The following ZBTB20 variants were observed in gnomAD, a reference collection of about 807,000 sequenced individuals.
ZBTB20 encodes zinc finger and BTB domain-containing protein 20.
In ZBTB20, 9 loss-of-function variants were observed where a neutral mutation model predicts 56.9. The observed-to-expected ratio is 0.16, with a 90% CI of 0.10 to 0.28. ZBTB20 has a LOEUF of 0.28. Among genes scored for constraint, ZBTB20 ranks in the 10% least tolerant of loss-of-function variants. ZBTB20 has a pLI of 1.00. For missense variants in ZBTB20, 655 were observed against 1,003.0 expected (o/e 0.65, Z 4.69); for synonymous variants, 417 against 420.7 (o/e 0.99, Z 0.11).
chr3:114,441,315 G>C (rs1261425996), intron 7 of ZBTB20, among the ~76,000 whole-genome samples: 1 of 152,150 alleles, frequency 6.6e-6, no homozygotes, highest in Non-Finnish European at 1.5e-5. Context: ...TGACAAATTA[G>C]TTATTCATGC....
At chr3:114,765,170 T>C (rs2068702935) in intron 5 of ZBTB20, among the ~76,000 whole-genome samples, 1 of 152,174 alleles carries the variant, frequency 6.6e-6, no homozygotes, top group South Asian at 2.1e-4. Flanking sequence ...ATCATTGTGG[T>C]AAAGCTCTGC....
chr3:115,132,795 T>A (rs1209072532), intron 1 of ZBTB20, among the ~76,000 whole-genome samples: 1 of 152,004 alleles, frequency 6.6e-6, no homozygotes, highest in Non-Finnish European at 1.5e-5. Flanking sequence ...ACCCCCAAAA[T>A]TTAGAATACC....
At chr3:114,993,779 T>C (rs565305532) in intron 2 of ZBTB20, among the ~76,000 whole-genome samples, 1 of 152,006 alleles carries the variant, frequency 6.6e-6, no homozygotes, top group East Asian at 1.9e-4. Context: ...GGAAAATTTA[T>C]GGCTTTAAAT....
chr3:114,849,162 C>CT lies in ZBTB20; in HGVS notation c.-416-47989dup, dbSNP rs892746636. 6.6e-5 allele frequency among the ~76,000 whole-genome samples: 10 copies of CT among 151,954 alleles called. No individual in the cohort carries two copies. The East Asian group carries it at 9.6e-4, about 15-fold the overall frequency. On this transcript the variant is annotated intron_variant, in intron 4 of 11. Transcript: ENST00000675478. ...AAAGCACTGTTTTCTTTTCTTTTTT[C>CT]TTTTTTTTAACAAACCAAGGTCAGA...
intron 2 of ZBTB20, among the ~76,000 whole-genome samples, chr3:115,002,616 T>C (rs1045293668): frequency 2.6e-5 from 4 of 151,444 alleles, no homozygotes; most frequent in Admixed American, 6.6e-5. Flanking sequence ...CATTAGAGAA[T>C]TGCAAATTAA....
At chr3:115,010,737 C>A (rs2079666579) in intron 2 of ZBTB20, among the ~76,000 whole-genome samples, 1 of 151,830 alleles carries the variant, frequency 6.6e-6, no homozygotes, top group South Asian at 2.1e-4. Flanking sequence ...AATGCCTGGA[C>A]AAACATCTAT....
intron 1 of ZBTB20, chr3:115,100,139 G>C (rs538436337): frequency 6.6e-6 from 1 of 151,120 alleles, no homozygotes; most frequent in Admixed American, 6.6e-5. Context: ...TGAGGAAGCA[G>C]GATTTTTTTT....
intron 2 of ZBTB20, among the ~76,000 whole-genome samples, chr3:114,991,419 T>C (rs1045122272): frequency 2.0e-5 from 3 of 152,152 alleles, no homozygotes; most frequent in African/African-American, 7.2e-5. Flanking sequence ...TGGTTTTGAG[T>C]GAGTTTCTTA....
chr3:115,138,331 T>C (rs750876179), intron 1 of ZBTB20, among the ~76,000 whole-genome samples: 2 of 152,096 alleles, frequency 1.3e-5, no homozygotes, highest in East Asian at 3.8e-4. Flanking sequence ...CTATTCATTG[T>C]ACAACCTTTA....
chr3:115,029,627 A>C (rs1205241697), intron 2 of ZBTB20, among the ~76,000 whole-genome samples: 2 of 150,874 alleles, frequency 1.3e-5, no homozygotes, highest in African/African-American at 4.8e-5. Flanking sequence ...ATGCATTTTA[A>C]ATCAGTGGGA....
chr3:114,528,460 G>A (rs2047477586), intron 6 of ZBTB20, among the ~76,000 whole-genome samples: 1 of 152,086 alleles, frequency 6.6e-6, no homozygotes, highest in Non-Finnish European at 1.5e-5. Context: ...TTTTCCTAAA[G>A]AAGAAATATG....
intron 1 of ZBTB20, among the ~76,000 whole-genome samples, chr3:115,125,304 C>G (rs1335350233): frequency 1.3e-5 from 2 of 151,234 alleles, no homozygotes; most frequent in Non-Finnish European, 2.9e-5. Context: ...GATTGTGTCA[C>G]TGCACTGCAG....
intron 6 of ZBTB20, among the ~76,000 whole-genome samples, chr3:114,550,594 G>A (rs940594901): frequency 5.9e-5 from 9 of 151,946 alleles, no homozygotes; most frequent in African/African-American, 1.5e-4. Context: ...GCTTTTTGGG[G>A]GGTTGTCTTT....
chr3:114,328,059 C>T lies in ZBTB20; in HGVS notation c.*10946G>A, dbSNP rs1419217079. On this transcript the variant is annotated 3_prime_UTR_variant, in exon 12 of 12. Coordinates refer to ENST00000675478, the MANE Select transcript of ZBTB20 (RefSeq NM_001348800.3). ...GGGCGTATTTAGGTGCTGGGGAGTG[C>T]ACTGCATGGCTCTTTAGGTATCCAT... 1 of 152,052 alleles carries T rather than the reference C, an allele frequency of 6.6e-6. No homozygotes were observed. The highest frequency in any genetic ancestry group is 1.5e-5 in the Non-Finnish European group (1 of 68,002). The allele number at this position is 152,052 out of a possible 1,614,324, so 9.4% of individuals were successfully genotyped here. A position where few individuals can be genotyped will look rare whatever the true frequency, so the allele number is the denominator to read the frequency against.
chr3:114,976,987 A>G (rs2078128167), intron 2 of ZBTB20, among the ~76,000 whole-genome samples: 1 of 152,154 alleles, frequency 6.6e-6, no homozygotes, highest in Non-Finnish European at 1.5e-5. Flanking sequence ...AATCAATTTC[A>G]CATAATATTT....
At chr3:114,882,825 C>T (rs888542234) in intron 4 of ZBTB20, among the ~76,000 whole-genome samples, 2 of 152,090 alleles carry the variant, frequency 1.3e-5, no homozygotes, top group Admixed American at 6.5e-5. Context: ...TAAAGACATA[C>T]TTTTCACTTT....
chr3:115,139,471 T>C (rs866325670), intron 1 of ZBTB20, among the ~76,000 whole-genome samples: 2 of 152,086 alleles, frequency 1.3e-5, no homozygotes, highest in Non-Finnish European at 2.9e-5. Context: ...GATTCTTTCC[T>C]AGTCAGATTT....
chr3:114,532,941 TC>T, intron 6 of ZBTB20, among the ~76,000 whole-genome samples: 1 of 152,050 alleles, frequency 6.6e-6, no homozygotes, highest in Non-Finnish European at 1.5e-5. Flanking sequence ...AGGAATAGCA[TC>T]AACATTAACA....
intron 3 of ZBTB20, among the ~76,000 whole-genome samples, chr3:114,953,500 G>A (rs2077144046): frequency 1.3e-5 from 2 of 151,442 alleles, no homozygotes; most frequent in African/African-American, 4.9e-5. Context: ...TAATGAAAAA[G>A]GTAGGTTTGA....
Sources: gnomAD v4.1 joint callset for allele counts (sites outside exome capture counted in the v4.1 genomes callset) on GRCh38, gnomAD v4.1.1 for gene constraint, MANE v1.5 for transcripts, NCBI Gene and HGNC (gene_info 2026-07-23, HGNC 2026-07-21) for gene names.